Variants in RFT1 observed in about 807,000 individuals in gnomAD.
RFT1 encodes the protein man(5)GlcNAc(2)-PP-dolichol translocation protein RFT1.
RFT1 carries 43 observed loss-of-function variants against 62.2 expected under a neutral mutation model. The ratio of observed to expected loss-of-function variants is 0.69; its 90% CI spans 0.54 to 0.89. RFT1 has a LOEUF of 0.89. Among genes scored for constraint, RFT1 ranks in the 40% least tolerant of loss-of-function variants. The probability of loss-of-function intolerance (pLI) is 0.00; values close to 1 mark genes in which losing one functional copy is unlikely to be tolerated. For synonymous variants in RFT1, 262 were observed against 264.6 expected (o/e 0.99, Z 0.10); for missense variants, 605 against 649.9 (o/e 0.93, Z 0.75).
At chr3:53,110,909 C>T (rs910322881) in intron 7 of RFT1, among the ~76,000 whole-genome samples, 2 of 152,146 alleles carry the variant, frequency 1.3e-5, no homozygotes, top group African/African-American at 4.8e-5. Flanking sequence ...TAAACCAACA[C>T]ATATACATAC....
intron 9 of RFT1, among the ~76,000 whole-genome samples, chr3:53,104,812 A>T (rs1038488440): frequency 2.6e-5 from 4 of 152,222 alleles, no homozygotes; most frequent in Non-Finnish European, 4.4e-5. Context: ...CCTACAACAA[A>T]ATACTCCTAG....
the RFT1 span, among the ~76,000 whole-genome samples, chr3:53,079,561 C>T: frequency 1.3e-5 from 2 of 152,294 alleles, no homozygotes; most frequent in East Asian, 3.9e-4. Context: ...GGGCAAAACC[C>T]TGTCTCTAGT....
At chr3:53,082,070 A>G in the RFT1 span, among the ~76,000 whole-genome samples, 3 of 151,988 alleles carry the variant, frequency 2.0e-5, no homozygotes, top group Admixed American at 2.0e-4. Flanking sequence ...CAGCCTCCTG[A>G]GTAGCTGGGA....
At chr3:53,128,138 AAAT>A (rs1702163248) in intron 1 of RFT1, among the ~76,000 whole-genome samples, 1 of 152,024 alleles carries the variant, frequency 6.6e-6, no homozygotes, top group Non-Finnish European at 1.5e-5. Flanking sequence ...TCTCTACTAA[AAAT>A]ACAAAAATTA....
At chr3:53,098,801 CAAAAAA>C (rs35371104) in intron 11 of RFT1, among the ~76,000 whole-genome samples, 1 of 57,634 alleles carries the variant, frequency 1.7e-5, no homozygotes, top group South Asian at 1.3e-3. Flanking sequence ...GACTCCATCT[CAAAAAA>C]AAAAAAAAAA....
Position 53,122,442 on chromosome 3 carries a change from C to T in RFT1, c.388G>A (p.Ala130Thr). Reference sequence around the variant, plus strand: ...GGCTCTCCTAGAAGCTCCACCACTGCCGAGAGACCAAACAGCACCACTCCA... The same window carrying T: ...GGCTCTCCTAGAAGCTCCACCACTGTCGAGAGACCAAACAGCACCACTCCA... ...ATGVVLFGLS[A>T]VVELLGEPFW... The change falls in exon 4 of 13, where the codon GCA becomes ACA. Residue 130 changes from alanine (A) to threonine (T), a missense_variant. Transcript: ENST00000296292. 3 of 1,614,076 alleles carry T rather than the reference C, an allele frequency of 1.9e-6. No homozygotes were observed. The highest frequency in any genetic ancestry group is 2.5e-6 in the Non-Finnish European group (3 of 1,180,018).
At position 53,105,655 on chromosome 3, in the gene RFT1, C is replaced by CA. The variant is rs1701448609; in HGVS notation, c.957+17dup. 2 of 1,612,606 alleles carry CA rather than the reference C, an allele frequency of 1.2e-6. No individual in the cohort carries two copies. The highest frequency in any genetic ancestry group is 1.3e-5 in the African/African-American group (1 of 74,856). ...AAGGGAGAATTCACTTGAGAGATGA[C>CA]ATAAGAACCAACATTACCTGCTTCT... On this transcript the variant is annotated intron_variant, in intron 9 of 12. Transcript: ENST00000296292.
chr3:53,079,600 G>T, the RFT1 span, among the ~76,000 whole-genome samples: 1 of 152,156 alleles, frequency 6.6e-6, no homozygotes, highest in Non-Finnish European at 1.5e-5. Context: ...TGGGCATGGT[G>T]GTGGGCGCCT....
chr3:53,093,507 G>A (rs539164517), intron 11 of RFT1, among the ~76,000 whole-genome samples: 2 of 152,276 alleles, frequency 1.3e-5, no homozygotes, highest in East Asian at 3.9e-4. Flanking sequence ...GGCACTCAAA[G>A]TATATAGCTG....
intron 9 of RFT1, among the ~76,000 whole-genome samples, chr3:53,104,566 A>G (rs1701410896): frequency 6.6e-6 from 1 of 152,156 alleles, no homozygotes; most frequent in Non-Finnish European, 1.5e-5. Context: ...AAGTTTTCAT[A>G]TACACTAGCC....
At chr3:53,124,752 A>G (rs4687703) in intron 2 of RFT1, among the ~76,000 whole-genome samples, 149,714 of 152,166 alleles carry the variant, frequency 0.98, 73,716 homozygotes, top group Middle Eastern at 1. Context: ...TGGGAGGATC[A>G]CTTGAGCCCA....
In RFT1 at chr3:53,091,098, C is replaced by T. The variant is rs1444262843; in HGVS notation, c.*805G>A. On this transcript the variant is annotated 3_prime_UTR_variant, in exon 13 of 13. Coordinates refer to ENST00000296292, the MANE Select transcript of RFT1 (RefSeq NM_052859.4). The stretch of plus-strand genomic sequence containing the variant: ...TTACAGAAAGCTGCAAAGCAGCATT[C>T]CCCTCAGGGACAAAGTGGCTCAACT... The T allele has an allele frequency of 6.6e-6, 1 of 152,338 alleles. No individual in the cohort carries two copies. Among genetic ancestry groups the T allele is most frequent in the Non-Finnish European group, 1.5e-5 (1 of 68,130 alleles). 9.4% of individuals were successfully genotyped at this position (152,338 alleles called of 1,614,324 possible). A position where few individuals can be genotyped will look rare whatever the true frequency, so the allele number is the denominator to read the frequency against.
At chr3:53,071,621 T>C in the RFT1 span, among the ~76,000 whole-genome samples, 1 of 152,130 alleles carries the variant, frequency 6.6e-6, no homozygotes, top group Non-Finnish European at 1.5e-5. Context: ...TGCAATTTAG[T>C]CTTATGAGCC....
At position 53,088,576 on chromosome 3, in the gene RFT1, T is replaced by C. The variant is rs973108862; in HGVS notation, c.*3327A>G. ...GGAATGCATGATTAAGGAAAAAAAA[T>C]GGCTGGTCTGGAATCCCAGCACTTT... On this transcript the variant is annotated 3_prime_UTR_variant, in exon 13 of 13. Transcript: ENST00000296292. The C allele has an allele frequency of 6.6e-6, 1 of 152,116 alleles. No individual in the cohort carries two copies. Among genetic ancestry groups the C allele is most frequent in the Non-Finnish European group, 1.5e-5 (1 of 68,020 alleles). The allele number at this position is 152,116 out of a possible 1,614,324, so 9.4% of individuals were successfully genotyped here.
At position 53,111,905 on chromosome 3, in the gene RFT1, A is replaced by T; in HGVS notation, c.700T>A (p.Phe234Ile). 1.2e-6 allele frequency: 2 copies of T among 1,612,746 alleles called. No homozygotes were observed. The highest frequency in any genetic ancestry group is 1.7e-6 in the Non-Finnish European group (2 of 1,179,316). ...LLPNITRNGA[F>I]INWKEAKLTW... ...AGTTTAGCCTCTTTCCAGTTTATAA[A>T]CGCCTAGAAGAGAAAACAAAACAAA... The change falls in exon 7 of 13, where the codon TTT (phenylalanine) becomes ATT (isoleucine). Residue 234 changes from phenylalanine to isoleucine, a missense_variant. Transcript: ENST00000296292.
chr3:53,106,319 T>G (rs75139682), intron 8 of RFT1, among the ~76,000 whole-genome samples: 6,054 of 152,260 alleles, frequency 0.04, 426 homozygotes, highest in African/African-American at 0.14. Flanking sequence ...GGTAACATTT[T>G]GTAAAACTAT....
downstream of RFT1, among the ~76,000 whole-genome samples, chr3:53,085,263 CAG>C (rs1700832419): frequency 6.6e-6 from 1 of 152,184 alleles, no homozygotes; most frequent in African/African-American, 2.4e-5. Flanking sequence ...CCGGGAGAAG[CAG>C]AGAGGGCTGG....
At chr3:53,125,870 A>G in intron 2 of RFT1, 39 bp downstream of exon 2, 2 of 1,482,508 alleles carry the variant, frequency 1.3e-6, no homozygotes, top group Non-Finnish European at 1.9e-6. Flanking sequence ...CTGGCTAGGA[A>G]GGTGAACTCT....
At chr3:53,082,849 C>T in the RFT1 span, among the ~76,000 whole-genome samples, 1 of 152,108 alleles carries the variant, frequency 6.6e-6, no homozygotes, top group Admixed American at 6.6e-5. Context: ...ACATGCTGTG[C>T]CGTTTAGAAG....
Sources: allele counts gnomAD v4.1 joint callset (sites outside exome capture counted in the v4.1 genomes callset), GRCh38; gene constraint gnomAD v4.1.1; transcripts MANE v1.5; gene names NCBI Gene and HGNC (gene_info 2026-07-23, HGNC 2026-07-21).